The following NFX1 variants were observed in gnomAD, a reference collection of about 807,000 sequenced individuals.
The protein encoded by NFX1 is nuclear transcription factor, X-box binding 1.
Under a neutral mutation model 137.2 loss-of-function variants are expected in NFX1, and 69 were observed. The ratio of observed to expected loss-of-function variants is 0.50; its 90% CI spans 0.41 to 0.61. The LOEUF (loss-of-function observed/expected upper bound fraction) is 0.61, where lower values mean the gene tolerates loss of function less well. Among genes scored for constraint, NFX1 ranks in the 20% least tolerant of loss-of-function variants. The probability of loss-of-function intolerance (pLI) is 0.00; values close to 1 mark genes in which losing one functional copy is unlikely to be tolerated. For missense variants in NFX1, 1,167 were observed against 1,391.0 expected (o/e 0.84, Z 2.56); for synonymous variants, 495 against 474.1 (o/e 1.04, Z -0.57).
intron 23 of NFX1, among the ~76,000 whole-genome samples, chr9:33,369,575 A>G (rs1824267945): frequency 6.6e-6 from 1 of 152,242 alleles, no homozygotes; most frequent in African/African-American, 2.4e-5. Context: ...CTGAGCATTC[A>G]TTGAACTGTG....
In NFX1 at chr9:33,351,548, T is replaced by C. The variant is rs762156342; in HGVS notation, c.2425-12T>C. The C allele has an allele frequency of 6.2e-7, 1 of 1,613,306 alleles. No individual in the cohort carries two copies. The highest frequency in any genetic ancestry group is 1.3e-5 in the African/African-American group (1 of 75,048). On this transcript the variant is annotated splice_polypyrimidine_tract_variant and intron_variant, in intron 15 of 23. Transcript: ENST00000379540. ...ATGGAGATGAGAATCTGGCTACTTC[T>C]GTCTCTCCTAGTTTCGGAGCAACAT...
At chr9:33,329,798 A>G (rs1424033773) in intron 10 of NFX1, among the ~76,000 whole-genome samples, 1 of 152,122 alleles carries the variant, frequency 6.6e-6, no homozygotes, top group East Asian at 1.9e-4. Flanking sequence ...AGCTGGAATT[A>G]CAGGTGCATG....
At chr9:33,368,034 G>A (rs1824220599) in intron 23 of NFX1, among the ~76,000 whole-genome samples, 1 of 152,208 alleles carries the variant, frequency 6.6e-6, no homozygotes, top group South Asian at 2.1e-4. Context: ...AGGAGTTCGA[G>A]ACCAGCCTGG....
Position 33,294,727 on chromosome 9 carries a change from T to C in NFX1, c.333T>C (p.Asn111=). The part of the protein sequence containing the change: ...LQNQPWQKLR[N]EKHHIRVKKA... The stretch of plus-strand genomic sequence containing the variant: ...ATCAACCTTGGCAGAAATTGAGGAA[T>C]GAGAAGCACCATATCAGAGTCAAGA... The change falls in exon 2 of 24, where the codon AAT becomes AAC. Residue 111 remains asparagine, a synonymous_variant. Transcript: ENST00000379540. The C allele has an allele frequency of 1.2e-6, 2 of 1,613,976 alleles. No homozygotes were observed. The highest frequency in any genetic ancestry group is 1.3e-5 in the African/African-American group (1 of 74,982).
chr9:33,369,048 T>G (rs1394962574), intron 23 of NFX1, among the ~76,000 whole-genome samples: 1 of 152,074 alleles, frequency 6.6e-6, no homozygotes, highest in Non-Finnish European at 1.5e-5. Flanking sequence ...GGCCCGTTTA[T>G]CCCATGCTAT....
intron 10 of NFX1, among the ~76,000 whole-genome samples, chr9:33,331,694 C>CTTTT (rs35980358): frequency 7.5e-6 from 1 of 132,780 alleles, no homozygotes; most frequent in African/African-American, 2.8e-5. Context: ...TCAGTAGCTG[C>CTTTT]TTTTTTTTTT....
chr9:33,311,319 G>A, intron 6 of NFX1, 142 bp downstream of exon 6: 1 of 794,278 alleles, frequency 1.3e-6, no homozygotes, highest in South Asian at 1.7e-5. Context: ...AGGAGTGAAA[G>A]TTTATTAAAA....
chr9:33,342,647 A>G (rs1228204885), intron 12 of NFX1, 99 bp from the exon 13 acceptor site: 1 of 812,198 alleles, frequency 1.2e-6, no homozygotes, highest in Non-Finnish European at 1.9e-6. Context: ...CATTTTATCC[A>G]TAAATGTGTA....
intron 17 of NFX1, among the ~76,000 whole-genome samples, chr9:33,353,683 C>CTTT (rs111306917): frequency 4.8e-4 from 53 of 110,064 alleles, no homozygotes; most frequent in Non-Finnish European, 6.2e-4. Context: ...GATAGATTTG[C>CTTT]TTTTTTTTTT....
At chr9:33,328,150 G>A (rs1024089143) in intron 9 of NFX1, among the ~76,000 whole-genome samples, 1 of 151,610 alleles carries the variant, frequency 6.6e-6, no homozygotes, top group African/African-American at 2.4e-5. Context: ...AGCTGGGACT[G>A]TAGGCCTGCA....
intron 7 of NFX1, among the ~76,000 whole-genome samples, chr9:33,317,973 C>CAAAAAAAAAA (rs5897542): frequency 2.3e-5 from 1 of 44,398 alleles, no homozygotes; most frequent in South Asian, 1.7e-3. Context: ...GACTCTGTCT[C>CAAAAAAAAAA]AAAAAAAAAA....
chr9:33,370,188 G>T lies in NFX1; in HGVS notation c.*210G>T, dbSNP rs1587888068. ...TTTCATTATGACCAGATCTCTGATT[G>T]TATGGTCACTAGGTATGCAATCACG... On this transcript the variant is annotated 3_prime_UTR_variant, in exon 24 of 24. Coordinates refer to ENST00000379540, the MANE Select transcript of NFX1 (RefSeq NM_002504.6). The T allele has an allele frequency of 1.2e-5, 6 of 486,778 alleles. No homozygotes were observed. The highest frequency in any genetic ancestry group is 6.9e-5 in the East Asian group (2 of 28,894). 30.2% of individuals were successfully genotyped at this position (486,778 alleles called of 1,614,324 possible).
At chr9:33,291,630 G>C (rs1587809152) in intron 1 of NFX1, among the ~76,000 whole-genome samples, 1 of 152,224 alleles carries the variant, frequency 6.6e-6, no homozygotes, top group African/African-American at 2.4e-5. Flanking sequence ...AGGGCCGGGC[G>C]TGGTGGCTCA....
chr9:33,364,200 T>C lies in NFX1; in HGVS notation c.2972+92T>C, dbSNP rs1187329847. ...TAACTAATATGTACTCCTCCTGTGATTAAGCCAGTTCAAGTTTGTTTGTTT... is the reference window on the plus strand; with the variant it reads ...TAACTAATATGTACTCCTCCTGTGACTAAGCCAGTTCAAGTTTGTTTGTTT... On this transcript the variant is annotated intron_variant, in intron 20 of 23. Transcript: ENST00000379540. 3 of 756,484 alleles carry C rather than the reference T, an allele frequency of 4.0e-6. No individual in the cohort carries two copies. In the African/African-American group the frequency reaches 5.4e-5, roughly 14 times the overall value. 46.9% of individuals were successfully genotyped at this position (756,484 alleles called of 1,614,324 possible). A position where few individuals can be genotyped will look rare whatever the true frequency, so the allele number is the denominator to read the frequency against.
rs12346991 is a variant in NFX1 at position 33,358,525 on chromosome 9, T to G, written c.2873+3633T>G. Among the ~76,000 whole-genome samples the G allele has an allele frequency of 8.5e-3, 1,289 of 152,080 alleles. 19 individuals carry two copies. The highest frequency in any genetic ancestry group is 0.03 in the African/African-American group (1,228 of 41,498). On this transcript the variant is annotated intron_variant, in intron 19 of 23. Coordinates refer to ENST00000379540, the MANE Select transcript of NFX1 (RefSeq NM_002504.6). ...GACATCCTCAAAAAAAAATGCAAAT[T>G]ACAAGGACTTCATTTTAAAGCAAAT...
chr9:33,355,845 A>G (rs1355135429), intron 19 of NFX1, among the ~76,000 whole-genome samples: 1 of 152,034 alleles, frequency 6.6e-6, no homozygotes, highest in Non-Finnish European at 1.5e-5. Flanking sequence ...GGGTTTCACC[A>G]TGTTGGCCAG....
intron 14 of NFX1, among the ~76,000 whole-genome samples, chr9:33,346,766 G>A (rs931535705): frequency 1.3e-5 from 2 of 152,222 alleles, no homozygotes; most frequent in Non-Finnish European, 2.9e-5. Flanking sequence ...ATATGGCTGT[G>A]CTGCAAGAGA....
At chr9:33,365,023 C>T in intron 21 of NFX1, 7 of 1,268,838 alleles carry the variant, frequency 5.5e-6, no homozygotes, top group Non-Finnish European at 7.0e-6. Flanking sequence ...CCTGTAATGC[C>T]AGCACTTTGG....
chr9:33,366,696 A>G lies in NFX1; in HGVS notation c.3107A>G (p.Asp1036Gly). 6.2e-7 allele frequency: 1 copy of G among 1,614,208 alleles called. No individual in the cohort carries two copies. Reference sequence around the variant, plus strand: ...AGAGACCACCGCCGGATCATCCATGACTTGGCCCAAGTTTATGGCCTGGAG... The same window carrying G: ...AGAGACCACCGCCGGATCATCCATGGCTTGGCCCAAGTTTATGGCCTGGAG... ...MNRDHRRIIH[D>G]LAQVYGLESV... The change falls in exon 22 of 24, where the codon GAC becomes GGC. Residue 1036 changes from aspartate (D) to glycine (G), a missense_variant. Coordinates refer to ENST00000379540, the MANE Select transcript of NFX1 (RefSeq NM_002504.6).
Sources: gnomAD v4.1 joint callset for allele counts (sites outside exome capture counted in the v4.1 genomes callset) on GRCh38, gnomAD v4.1.1 for gene constraint, MANE v1.5 for transcripts, NCBI Gene and HGNC (gene_info 2026-07-23, HGNC 2026-07-21) for gene names.